Variants in RPTOR observed in about 807,000 individuals in gnomAD.
The protein encoded by RPTOR is regulatory-associated protein of mTOR.
Under a neutral mutation model 169.9 loss-of-function variants are expected in RPTOR, and 21 were observed. The observed-to-expected ratio is 0.12, with a 90% CI of 0.09 to 0.18. The LOEUF is 0.18. Ranked by LOEUF, RPTOR falls within the 10% of genes least tolerant of loss-of-function variation. RPTOR has a pLI of 1.00. For missense variants in RPTOR, 1,133 were observed against 1,855.9 expected, an observed-to-expected ratio of 0.61 and a Z score of 7.16; for synonymous variants, 732 against 753.2, an observed-to-expected ratio of 0.97 and a Z score of 0.46.
At position 80,708,968 on chromosome 17, in the gene RPTOR, A is replaced by G. The variant is rs1293858673; in HGVS notation, c.507+969A>G. 1.0e-6 allele frequency: 1 copy of G among 985,376 alleles called. No homozygotes were observed. Among genetic ancestry groups the G allele is most frequent in the African/African-American group, 1.7e-5 (1 of 57,212 alleles). The allele number at this position is 985,376 out of a possible 1,614,324, so 61.0% of individuals were successfully genotyped here. A position where few individuals can be genotyped will look rare whatever the true frequency, so the allele number is the denominator to read the frequency against. On this transcript the variant is annotated intron_variant, in intron 4 of 33. Transcript: ENST00000306801. This position sits in a 1 kb window ranked among gnomAD's most constrained non-coding sequence, Gnocchi z 4.2. ...GGACTCTGACTCCGTTTCTTCACAC[A>G]CTGAACTCTCGGTTCCCGCCTACCG...
At chr17:80,548,505 C>T (rs2084306861) in intron 1 of RPTOR, among the ~76,000 whole-genome samples, 1 of 150,996 alleles carries the variant, frequency 6.6e-6, no homozygotes, top group South Asian at 2.1e-4. Context: ...CCTCAGCCTC[C>T]CAAGTAGCTG....
At chr17:80,610,995 T>C (rs2065266535) in intron 1 of RPTOR, among the ~76,000 whole-genome samples, 1 of 152,182 alleles carries the variant, frequency 6.6e-6, no homozygotes, top group Non-Finnish European at 1.5e-5. Context: ...GTAAAATGCT[T>C]TTTATTACCT....
chr17:80,785,099 A>G (rs1375672296), intron 6 of RPTOR, among the ~76,000 whole-genome samples: 5 of 152,238 alleles, frequency 3.3e-5, no homozygotes, highest in Non-Finnish European at 7.3e-5. Flanking sequence ...GTATCTCTGT[A>G]TGACTAGGTT....
At chr17:80,559,082 A>G (rs1203239840) in intron 1 of RPTOR, among the ~76,000 whole-genome samples, 1 of 151,898 alleles carries the variant, frequency 6.6e-6, no homozygotes, top group Non-Finnish European at 1.5e-5. Context: ...TCTCCATTAA[A>G]CACCAACTCC....
intron 3 of RPTOR, among the ~76,000 whole-genome samples, chr17:80,706,428 C>G (rs1188607629): frequency 1.3e-5 from 2 of 152,230 alleles, no homozygotes; most frequent in African/African-American, 4.8e-5. Flanking sequence ...CCAGCCAGGT[C>G]TGTCTCCTCC....
At chr17:80,566,156 G>A (rs951314882) in intron 1 of RPTOR, among the ~76,000 whole-genome samples, 2 of 152,190 alleles carry the variant, frequency 1.3e-5, no homozygotes, top group Non-Finnish European at 2.9e-5. Context: ...TCAATCAAGT[G>A]GGTCTAAGAC....
At chr17:80,873,919 CA>C (rs2068078105) in intron 13 of RPTOR, among the ~76,000 whole-genome samples, 1 of 152,096 alleles carries the variant, frequency 6.6e-6, no homozygotes, top group African/African-American at 2.4e-5. Context: ...TGCAGACGTG[CA>C]GAGATACAGA....
At position 80,965,046 on chromosome 17, in the gene RPTOR, CAG is replaced by C; in HGVS notation, c.*719_*720del. The C allele has an allele frequency of 4.3e-6, 1 of 233,392 alleles. No homozygotes were observed. The highest frequency in any genetic ancestry group is 6.0e-5 in the East Asian group (1 of 16,588). 14.5% of individuals were successfully genotyped at this position (233,392 alleles called of 1,614,324 possible). ...GACTCCAGTTTTGGCCCCTCTCACA[CAG>C]AGCTGTCAGCAGGGGCCGCTGTGGC... On this transcript the variant is annotated 3_prime_UTR_variant, in exon 34 of 34. Transcript: ENST00000306801.
chr17:80,763,692 A>G (rs74001012), intron 6 of RPTOR, among the ~76,000 whole-genome samples: 4,039 of 152,286 alleles, frequency 0.027, 193 homozygotes, highest in African/African-American at 0.092. Flanking sequence ...ACAAAAATAA[A>G]TCATGCGCCC....
chr17:80,911,460 T>C (rs1447804938), intron 21 of RPTOR, among the ~76,000 whole-genome samples: 1 of 152,230 alleles, frequency 6.6e-6, no homozygotes, highest in African/African-American at 2.4e-5. Flanking sequence ...AATTATTTGC[T>C]TTTAAACTAG....
intron 7 of RPTOR, among the ~76,000 whole-genome samples, chr17:80,798,148 A>G (rs1054577800): frequency 1.3e-5 from 2 of 152,174 alleles, no homozygotes; most frequent in African/African-American, 2.4e-5. Context: ...CCTGTCACCA[A>G]TGTGCCCCGG....
rs765937595 is a variant in RPTOR at position 80,923,582 on chromosome 17, C to G, written c.2717C>G (p.Pro906Arg). 1 of 1,613,408 alleles carries G rather than the reference C, an allele frequency of 6.2e-7. No homozygotes were observed. The highest frequency in any genetic ancestry group is 1.1e-5 in the South Asian group (1 of 91,042). Residue 906 changes from proline to arginine, a missense_variant, in exon 23 of 34, where the codon CCG becomes CGG. By Grantham distance (103) the Pro-to-Arg change is moderately radical (BLOSUM62 -2). This residue lies in a region of RPTOR where 123 missense variants were observed against 129.0 expected (regional missense o/e 0.95). Transcript: ENST00000306801. ...PVSRDLPSGR[P>R]GTTGPAGAQY... ...AGCCGAGACTTGCCTTCTGGCCGGC[C>G]GGGCACCACAGGCCCCGCTGGGGCG...
At chr17:80,752,824 A>G (rs1258015058) in intron 5 of RPTOR, among the ~76,000 whole-genome samples, 1 of 152,244 alleles carries the variant, frequency 6.6e-6, no homozygotes, top group African/African-American at 2.4e-5. Flanking sequence ...GTAATGCATT[A>G]TTTAAAAAGA....
intron 3 of RPTOR, among the ~76,000 whole-genome samples, chr17:80,692,611 G>T (rs11658456): frequency 1.2e-4 from 19 of 152,018 alleles, no homozygotes; most frequent in African/African-American, 4.6e-4. Context: ...GTGAGCCACC[G>T]TGCCTGGCCT....
chr17:80,815,552 G>A (rs1472993051), intron 7 of RPTOR, among the ~76,000 whole-genome samples: 1 of 152,232 alleles, frequency 6.6e-6, no homozygotes, highest in Non-Finnish European at 1.5e-5. Flanking sequence ...GTGGGGAAGT[G>A]ACATGGCCCA....
chr17:80,691,481 GGT>G (rs1351404116), intron 3 of RPTOR, among the ~76,000 whole-genome samples: 1 of 151,086 alleles, frequency 6.6e-6, no homozygotes, highest in Admixed American at 6.6e-5. Flanking sequence ...TGTGCGCATA[GGT>G]GTGTGTGGTG....
chr17:80,787,807 C>T (rs11150747), intron 6 of RPTOR, among the ~76,000 whole-genome samples: 36,860 of 152,022 alleles, frequency 0.24, 4,526 homozygotes, highest in South Asian at 0.29. Flanking sequence ...TAGTTATGTC[C>T]TCATCTTTGA....
chr17:80,803,299 G>C lies in RPTOR; in HGVS notation c.890+11790G>C, dbSNP rs1008519545. ...TTAAACTTCTGGAAACCGAGGCAAG[G>C]GAGGTGGAGAGACTTGCTCAGGGTC... On this transcript the variant is annotated intron_variant, in intron 7 of 33. Transcript: ENST00000306801. This position sits in a 1 kb window ranked among gnomAD's most constrained non-coding sequence, Gnocchi z 6.2. 1.6e-4 allele frequency: 25 copies of C among 152,420 alleles called. No homozygotes were observed. Among genetic ancestry groups the C allele is most frequent in the Admixed American group, 1.6e-3 (25 of 15,306 alleles). The allele number at this position is 152,420 out of a possible 1,614,324, so 9.4% of individuals were successfully genotyped here. A position where few individuals can be genotyped will look rare whatever the true frequency, so the allele number is the denominator to read the frequency against.
intron 26 of RPTOR, among the ~76,000 whole-genome samples, chr17:80,946,748 T>A (rs2069108691): frequency 6.6e-6 from 1 of 152,256 alleles, no homozygotes; most frequent in African/African-American, 2.4e-5. Flanking sequence ...TGCCTCCACC[T>A]TTTGTCTATT....
Sources: gnomAD v4.1 joint callset for allele counts (sites outside exome capture counted in the v4.1 genomes callset) on GRCh38, gnomAD v4.1.1 for gene constraint, gnomAD v4.1.1 regional missense constraint, Gnocchi (gnomAD v3.1) non-coding constraint, MANE v1.5 for transcripts, NCBI Gene and HGNC (gene_info 2026-07-23, HGNC 2026-07-21) for gene names.